The following CAB39 variants were observed in gnomAD, a reference collection of about 807,000 sequenced individuals.
CAB39 encodes the protein calcium binding protein 39, also known as calcium-binding protein 39.
In CAB39, 8 loss-of-function variants were observed where a neutral mutation model predicts 40.0. The observed-to-expected ratio is 0.20, with a 90% CI of 0.12 to 0.36. The LOEUF (loss-of-function observed/expected upper bound fraction) is 0.36. Among genes scored for constraint, CAB39 ranks in the 10% least tolerant of loss-of-function variants. CAB39 has a pLI of 1.00. For missense variants in CAB39, 270 were observed against 401.1 expected, an observed-to-expected ratio of 0.67 and a Z score of 2.79; for synonymous variants, 156 against 141.6, an observed-to-expected ratio of 1.10 and a Z score of -0.72.
At position 230,793,298 on chromosome 2, in the gene CAB39, C is replaced by A; in HGVS notation, c.365C>A (p.Thr122Asn). 6.3e-7 allele frequency: 1 copy of A among 1,598,214 alleles called. No individual in the cohort carries two copies. Among genetic ancestry groups the A allele is most frequent in the Non-Finnish European group, 8.6e-7 (1 of 1,166,732 alleles). Residue 122 changes from threonine (T) to asparagine (N), a missense_variant, in exon 4 of 9, where the codon ACC becomes AAC. Transcript: ENST00000258418. ...TRTPTVEYIC[T>N]QQNILFMLLK... is the part of the protein sequence containing the mutation. ...ACTCCTACTGTTGAATACATCTGCA[C>A]CCAACAGAATATTTTGTTCATGTTA... is the stretch of plus-strand genomic sequence containing the variant.
chr2:230,766,830 G>T, intron 2 of CAB39, among the ~76,000 whole-genome samples: 1 of 152,106 alleles, frequency 6.6e-6, no homozygotes, highest in Non-Finnish European at 1.5e-5. Flanking sequence ...CCTGGCCTGG[G>T]GGTTACATTT....
chr2:230,787,655 T>C (rs1695816492), intron 2 of CAB39, among the ~76,000 whole-genome samples: 1 of 152,200 alleles, frequency 6.6e-6, no homozygotes, highest in African/African-American at 2.4e-5. Context: ...GAAGGTAGCC[T>C]TGGGCTGCAC....
rs370535501 is a variant in CAB39 at position 230,814,040 on chromosome 2, A to C, written c.628-9A>C. 3.7e-6 allele frequency: 1 copy of C among 271,328 alleles called. No homozygotes were observed. Among genetic ancestry groups the C allele is most frequent in the African/African-American group, 9.1e-5 (1 of 11,040 alleles). The allele number at this position is 271,328 out of a possible 1,614,324, so 16.8% of individuals were successfully genotyped here. A position where few individuals can be genotyped will look rare whatever the true frequency, so the allele number is the denominator to read the frequency against. ...CAATAACCCTGATTTATGTTCTCTT[A>C]TCTTTTAGTTTTTCAGTGAATATGA... On this transcript the variant is annotated splice_polypyrimidine_tract_variant and intron_variant, in intron 6 of 8. Coordinates refer to ENST00000258418, the MANE Select transcript of CAB39 (RefSeq NM_016289.4).
intron 5 of CAB39, among the ~76,000 whole-genome samples, chr2:230,805,573 C>T (rs1372160216): frequency 6.6e-6 from 1 of 152,182 alleles, no homozygotes; most frequent in African/African-American, 2.4e-5. Flanking sequence ...GCTGATCTCA[C>T]CTCCAATCTC....
At chr2:230,714,808 G>A (rs1003263191) in intron 1 of CAB39, among the ~76,000 whole-genome samples, 1 of 152,224 alleles carries the variant, frequency 6.6e-6, no homozygotes. Flanking sequence ...TTGTTAGGAA[G>A]TAATTAGCAG....
At chr2:230,727,163 C>T (rs905144425) in intron 1 of CAB39, among the ~76,000 whole-genome samples, 1 of 151,200 alleles carries the variant, frequency 6.6e-6, no homozygotes, top group African/African-American at 2.4e-5. Context: ...GATTGCTTTT[C>T]AGAATTGTCT....
intron 1 of CAB39, among the ~76,000 whole-genome samples, chr2:230,739,042 T>C (rs1028785595): frequency 6.6e-6 from 1 of 152,232 alleles, no homozygotes; most frequent in African/African-American, 2.4e-5. Context: ...CTTTCAAGTT[T>C]TCTCATTTGT....
intron 1 of CAB39, among the ~76,000 whole-genome samples, chr2:230,750,673 A>G (rs955768640): frequency 6.6e-6 from 1 of 152,184 alleles, no homozygotes; most frequent in East Asian, 1.9e-4. Context: ...CTTGCTTCCC[A>G]TTCATCCAAA....
In CAB39 at chr2:230,805,065, C is replaced by T. The variant is rs1410154653; in HGVS notation, c.568-5198C>T. Among the ~76,000 whole-genome samples, 4 of 146,364 alleles carry T rather than the reference C, an allele frequency of 2.7e-5. No individual in the cohort carries two copies. In the East Asian group the frequency reaches 5.9e-4, roughly 21 times the overall value. On this transcript the variant is annotated intron_variant, in intron 5 of 8. Coordinates refer to ENST00000258418, the MANE Select transcript of CAB39 (RefSeq NM_016289.4). ...ATATACACCATGGAATACTATGCAG[C>T]CTTAAAAAAGGATGCATTCGTGTCC...
chr2:230,748,831 A>AAAAAAATATATATATATATAT (rs1386799920), intron 1 of CAB39, among the ~76,000 whole-genome samples: 3 of 28,506 alleles, frequency 1.1e-4, no homozygotes, highest in Non-Finnish European at 1.9e-4. Context: ...AAAAAAAAAA[A>AAAAAAATATATATATATATAT]ATATATATAT....
chr2:230,725,403 T>C (rs532035240), intron 1 of CAB39: 1 of 1,598,152 alleles, frequency 6.3e-7, no homozygotes, highest in South Asian at 1.1e-5. Flanking sequence ...GAGGTTGTCA[T>C]CTTGATCAGG....
At chr2:230,735,341 A>G (rs1467515525) in intron 1 of CAB39, among the ~76,000 whole-genome samples, 1 of 151,648 alleles carries the variant, frequency 6.6e-6, no homozygotes, top group Admixed American at 6.6e-5. Context: ...TTATTTTTGT[A>G]TTTTTAGTAG....
intron 5 of CAB39, among the ~76,000 whole-genome samples, chr2:230,801,791 C>T (rs1243030947): frequency 6.6e-6 from 1 of 151,806 alleles, no homozygotes; most frequent in East Asian, 1.9e-4. Flanking sequence ...ATCCCTTGAA[C>T]CTGGGAGGCA....
At chr2:230,741,360 A>C (rs887231722) in intron 1 of CAB39, among the ~76,000 whole-genome samples, 2 of 152,210 alleles carry the variant, frequency 1.3e-5, no homozygotes, top group African/African-American at 4.8e-5. Flanking sequence ...TCCATGCTTA[A>C]GACACAAGGA....
At chr2:230,777,873 A>C (rs979015719) in intron 2 of CAB39, among the ~76,000 whole-genome samples, 9 of 152,272 alleles carry the variant, frequency 5.9e-5, no homozygotes, top group African/African-American at 2.2e-4. Context: ...AAATTCCTGA[A>C]AGTATAATTC....
chr2:230,753,524 G>C (rs1695126030), intron 1 of CAB39, among the ~76,000 whole-genome samples: 1 of 152,122 alleles, frequency 6.6e-6, no homozygotes, highest in South Asian at 2.1e-4. Flanking sequence ...GGAGGCTGAG[G>C]TGGGTAGATC....
chr2:230,750,779 T>C (rs915387288), intron 1 of CAB39, among the ~76,000 whole-genome samples: 5 of 152,228 alleles, frequency 3.3e-5, no homozygotes, highest in African/African-American at 9.6e-5. Flanking sequence ...ATAATAGATA[T>C]GCAGATACAG....
At chr2:230,715,753 A>G (rs536549051) in intron 1 of CAB39, among the ~76,000 whole-genome samples, 2 of 152,298 alleles carry the variant, frequency 1.3e-5, no homozygotes, top group East Asian at 3.9e-4. Context: ...CTCAGGCCGG[A>G]GTGCAGTGGT....
chr2:230,791,071 AC>A, intron 3 of CAB39, 35 bp downstream of exon 3: 2 of 1,435,296 alleles, frequency 1.4e-6, no homozygotes, highest in Non-Finnish European at 1.9e-6. Context: ...AAAAAACAGT[AC>A]CCTGTGCATA....
Sources: allele counts gnomAD v4.1 joint callset (sites outside exome capture counted in the v4.1 genomes callset), GRCh38; gene constraint gnomAD v4.1.1; transcripts MANE v1.5; gene names NCBI Gene and HGNC (gene_info 2026-07-23, HGNC 2026-07-21).